Variants in PLA2G4A observed in about 807,000 individuals in gnomAD.
PLA2G4A encodes cytosolic phospholipase A2.
PLA2G4A carries 40 observed loss-of-function variants against 81.9 expected under a neutral mutation model. The ratio of observed to expected loss-of-function variants is 0.49; its 90% confidence interval spans 0.38 to 0.64. The LOEUF is 0.64. Among genes scored for constraint, PLA2G4A ranks in the 30% least tolerant of loss-of-function variants. PLA2G4A has a pLI of 0.00. For synonymous variants in PLA2G4A, 302 were observed against 296.9 expected (o/e 1.02, Z -0.18); for missense variants, 715 against 905.1 (o/e 0.79, Z 2.69).
intron 2 of PLA2G4A, among the ~76,000 whole-genome samples, chr1:186,864,253 A>G (rs985185598): frequency 5.9e-5 from 8 of 136,702 alleles, no homozygotes; most frequent in Non-Finnish European, 3.2e-5. Flanking sequence ...TGATGTTGCA[A>G]TAAACATGGG....
At chr1:186,937,392 A>G (rs1165820059) in intron 8 of PLA2G4A, among the ~76,000 whole-genome samples, 1 of 151,986 alleles carries the variant, frequency 6.6e-6, no homozygotes, top group African/African-American at 2.4e-5. Context: ...AGACTTTGGA[A>G]TAACTATAGG....
At chr1:186,980,417 T>C (rs1557902547) in intron 17 of PLA2G4A, among the ~76,000 whole-genome samples, 1 of 152,216 alleles carries the variant, frequency 6.6e-6, no homozygotes, top group Non-Finnish European at 1.5e-5. Flanking sequence ...ACTGAAATCA[T>C]TGACTTGTGG....
chr1:186,946,664 T>C lies in PLA2G4A; in HGVS notation c.1061T>C (p.Ile354Thr). 6.2e-7 allele frequency: 1 copy of C among 1,611,550 alleles called. No individual in the cohort carries two copies. The highest frequency in any genetic ancestry group is 8.5e-7 in the Non-Finnish European group (1 of 1,177,866). ...TGGGTTGAATTTAGTCCATACGAAATTGGCATGGCTAAATATGGTACTTTT... is the reference window on the plus strand; with the variant it reads ...TGGGTTGAATTTAGTCCATACGAAACTGGCATGGCTAAATATGGTACTTTT... Reference protein sequence around the residue: ...ADWVEFSPYEIGMAKYGTFMA... With the variant: ...ADWVEFSPYETGMAKYGTFMA... Residue 354 changes from isoleucine to threonine, a missense_variant, in exon 11 of 18, where the codon ATT (isoleucine) becomes ACT (threonine). Ile to Thr is a moderately conservative substitution (Grantham distance 89, BLOSUM62 -1). Coordinates refer to ENST00000367466, the MANE Select transcript of PLA2G4A (RefSeq NM_024420.3).
chr1:186,867,380 T>G (rs1297922015), intron 2 of PLA2G4A, among the ~76,000 whole-genome samples: 1 of 152,216 alleles, frequency 6.6e-6, no homozygotes, highest in Non-Finnish European at 1.5e-5. Flanking sequence ...ATTTATTTCA[T>G]ATGAATTTTG....
At chr1:186,839,919 G>A (rs1651918278) in intron 1 of PLA2G4A, among the ~76,000 whole-genome samples, 1 of 149,668 alleles carries the variant, frequency 6.7e-6, no homozygotes, top group Non-Finnish European at 1.5e-5. Flanking sequence ...TTATTTAAAG[G>A]GTCTGCAGAC....
intron 9 of PLA2G4A, among the ~76,000 whole-genome samples, chr1:186,939,492 GAAAAAAAA>G (rs10599543): frequency 0.02 from 2,864 of 143,176 alleles, 54 homozygotes; most frequent in African/African-American, 0.046. Context: ...CTTTTCTCTG[GAAAAAAAA>G]AAAAAAAAAA....
At chr1:186,932,445 G>A (rs569149349) in intron 7 of PLA2G4A, among the ~76,000 whole-genome samples, 61 of 151,852 alleles carry the variant, frequency 4.0e-4, no homozygotes, top group Non-Finnish European at 6.2e-4. Context: ...ACAGGCACCC[G>A]CCAGCACACC....
chr1:186,953,456 A>G (rs1448509847), intron 13 of PLA2G4A, among the ~76,000 whole-genome samples: 1 of 148,542 alleles, frequency 6.7e-6, no homozygotes, highest in Non-Finnish European at 1.5e-5. Flanking sequence ...TGTATGTTTT[A>G]TATTACATGT....
Position 186,849,637 on chromosome 1 carries a change from ACT to A in PLA2G4A, c.-69-4643_-69-4642del, listed in dbSNP as rs1652303328. On this transcript the variant is annotated intron_variant, in intron 1 of 17. Coordinates refer to ENST00000367466, the MANE Select transcript of PLA2G4A (RefSeq NM_024420.3). ...GCCTGGAACATTATAGTCTAAACCC[ACT>A]CTCTCCTCACTCTGCATGGCTAGCT... Among the ~76,000 whole-genome samples the A allele has an allele frequency of 3.3e-5, 5 of 151,278 alleles. No individual in the cohort carries two copies. The South Asian group carries it at 1.1e-3, about 32-fold the overall frequency.
At chr1:186,937,837 C>A (rs1003390332) in intron 8 of PLA2G4A, among the ~76,000 whole-genome samples, 4 of 151,610 alleles carry the variant, frequency 2.6e-5, no homozygotes, top group Admixed American at 6.6e-5. Context: ...TGCTCTTTTT[C>A]TTGATAATTA....
intron 5 of PLA2G4A, among the ~76,000 whole-genome samples, chr1:186,904,682 T>G (rs1459680512): frequency 6.6e-6 from 1 of 152,190 alleles, no homozygotes; most frequent in Non-Finnish European, 1.5e-5. Flanking sequence ...TTATCCTGCC[T>G]TTGTTTAAAG....
intron 1 of PLA2G4A, among the ~76,000 whole-genome samples, chr1:186,851,796 T>C (rs1652382722): frequency 6.6e-6 from 1 of 152,048 alleles, no homozygotes. Context: ...GTTTCAAAAA[T>C]ACTTAGAGCC....
intron 2 of PLA2G4A, among the ~76,000 whole-genome samples, chr1:186,857,048 A>G (rs984573788): frequency 2.2e-4 from 5 of 22,856 alleles, no homozygotes; most frequent in Admixed American, 5.4e-4. Flanking sequence ...CAGCCCCCAC[A>G]TGTGTCTGCC....
At chr1:186,970,804 C>T (rs58316996) in intron 15 of PLA2G4A, among the ~76,000 whole-genome samples, 36,669 of 151,876 alleles carry the variant, frequency 0.24, 4,575 homozygotes, top group South Asian at 0.28. Flanking sequence ...GTTTTGGTTA[C>T]TGTAGCTTTG....
At position 186,854,269 on chromosome 1, in the gene PLA2G4A, G is replaced by A; in HGVS notation, c.-69-17G>A. ...ATCCAAGAGGAAGCTTAACAATAGT[G>A]ATTGTTTATTTTGTAGGTTTTAAAG... On this transcript the variant is annotated splice_polypyrimidine_tract_variant and intron_variant, in intron 1 of 17. Coordinates refer to ENST00000367466, the MANE Select transcript of PLA2G4A (RefSeq NM_024420.3). The A allele has an allele frequency of 1.2e-6, 1 of 810,230 alleles. No individual in the cohort carries two copies. The highest frequency in any genetic ancestry group is 1.4e-5 in the South Asian group (1 of 73,024). 50.2% of individuals were successfully genotyped at this position (810,230 alleles called of 1,614,324 possible).
intron 1 of PLA2G4A, among the ~76,000 whole-genome samples, chr1:186,844,956 TC>T (rs1349819056): frequency 6.6e-6 from 1 of 151,988 alleles, no homozygotes; most frequent in Non-Finnish European, 1.5e-5. Context: ...CACACTGTAA[TC>T]CCCCAACTTT....
At chr1:186,916,270 G>C (rs764727691) in intron 7 of PLA2G4A, among the ~76,000 whole-genome samples, 2 of 152,238 alleles carry the variant, frequency 1.3e-5, no homozygotes, top group African/African-American at 4.8e-5. Context: ...AGGATTAAGG[G>C]GATTGGTTAT....
intron 2 of PLA2G4A, among the ~76,000 whole-genome samples, chr1:186,857,460 A>T (rs960487839): frequency 4.5e-5 from 6 of 133,506 alleles, no homozygotes; most frequent in African/African-American, 1.7e-4. Flanking sequence ...TATATAATAT[A>T]TAACATGTAT....
intron 7 of PLA2G4A, among the ~76,000 whole-genome samples, chr1:186,927,539 A>G (rs1489116102): frequency 6.6e-6 from 1 of 152,166 alleles, no homozygotes; most frequent in African/African-American, 2.4e-5. Flanking sequence ...TAAAATCTGG[A>G]ATTAGAGTAG....
Sources: gnomAD v4.1 joint callset for allele counts (sites outside exome capture counted in the v4.1 genomes callset) on GRCh38, gnomAD v4.1.1 for gene constraint, MANE v1.5 for transcripts, NCBI Gene and HGNC (gene_info 2026-07-23, HGNC 2026-07-21) for gene names.